Variants in SPAG16 observed in about 807,000 individuals in gnomAD.
The protein encoded by SPAG16 is sperm associated antigen 16.
In SPAG16, 86 loss-of-function variants were observed where a neutral mutation model predicts 80.4. The observed-to-expected ratio is 1.07, with a 90% CI of 0.90 to 1.28. SPAG16 has a LOEUF of 1.28. Ranked by LOEUF, SPAG16 falls within the 50% of genes most tolerant of loss-of-function variation. The pLI, the probability that SPAG16 is intolerant of heterozygous loss-of-function variation, is 0.00. For missense variants in SPAG16, 870 were observed against 765.3 expected, an observed-to-expected ratio of 1.14 and a Z score of -1.61; for synonymous variants, 294 against 265.9, an observed-to-expected ratio of 1.11 and a Z score of -1.03.
intron 14 of SPAG16, among the ~76,000 whole-genome samples, chr2:214,142,581 GCC>G (rs906088185): frequency 9.9e-5 from 15 of 151,970 alleles, no homozygotes; most frequent in African/African-American, 3.6e-4. Context: ...GGTCTCCCAG[GCC>G]CCTAGTTCCA....
chr2:213,787,528 A>T (rs2070418119), intron 10 of SPAG16, among the ~76,000 whole-genome samples: 1 of 152,084 alleles, frequency 6.6e-6, no homozygotes, highest in Non-Finnish European at 1.5e-5. Flanking sequence ...GGAGATAGGA[A>T]GGCTGTAGAT....
chr2:213,888,214 A>G (rs1166011253), intron 11 of SPAG16, among the ~76,000 whole-genome samples: 2 of 151,748 alleles, frequency 1.3e-5, no homozygotes, highest in African/African-American at 2.4e-5. Flanking sequence ...CTGTTTCATA[A>G]TTTCTTTATT....
intron 11 of SPAG16, among the ~76,000 whole-genome samples, chr2:213,922,033 G>A (rs2078247716): frequency 6.6e-6 from 1 of 152,102 alleles, no homozygotes; most frequent in African/African-American, 2.4e-5. Context: ...TATCTCACAG[G>A]AGTTATATGC....
At chr2:213,945,090 A>C (rs527372181) in intron 12 of SPAG16, among the ~76,000 whole-genome samples, 7 of 152,022 alleles carry the variant, frequency 4.6e-5, no homozygotes, top group African/African-American at 1.7e-4. Context: ...GTTCTCTGCC[A>C]TGTGAAAATA....
In SPAG16 at chr2:214,128,487, A is replaced by T. The variant is rs538834360; in HGVS notation, c.1593+20226A>T. Among the ~76,000 whole-genome samples, 10 of 151,908 alleles carry T rather than the reference A, an allele frequency of 6.6e-5. No homozygotes were observed. In the East Asian group the frequency reaches 1.9e-3, roughly 29 times the overall value. ...TCTCCACTGTCCCCTAACCCTTCTT[A>T]TATTTACCCTCAACTTTGGCCAGTT... On this transcript the variant is annotated intron_variant, in intron 14 of 15. Transcript: ENST00000331683.
chr2:213,507,749 A>C (rs2075024352), intron 10 of SPAG16, among the ~76,000 whole-genome samples: 1 of 152,174 alleles, frequency 6.6e-6, no homozygotes, highest in Non-Finnish European at 1.5e-5. Context: ...TGTTGACAGG[A>C]TGATTCGATC....
intron 15 of SPAG16, among the ~76,000 whole-genome samples, chr2:214,291,238 CTA>C (rs898377969): frequency 1.4e-5 from 2 of 142,538 alleles, no homozygotes; most frequent in African/African-American, 5.2e-5. Context: ...CACTTTGAGT[CTA>C]TATATGTCTT....
intron 10 of SPAG16, among the ~76,000 whole-genome samples, chr2:213,731,564 AC>A (rs1377321485): frequency 1.3e-4 from 19 of 151,394 alleles, no homozygotes. Flanking sequence ...GGTTTGCTGC[AC>A]AGATCATCCC....
chr2:213,347,583 G>T (rs914113506), intron 6 of SPAG16, among the ~76,000 whole-genome samples: 6 of 152,116 alleles, frequency 3.9e-5, no homozygotes, highest in Admixed American at 3.3e-4. Flanking sequence ...CTGGTATGTT[G>T]TATCTTTGTT....
chr2:213,292,683 AACAAAAAAAAAC>A (rs1362539931), intron 1 of SPAG16, among the ~76,000 whole-genome samples: 1 of 90,618 alleles, frequency 1.1e-5, no homozygotes, highest in African/African-American at 3.4e-5. Context: ...AAACAAAAAA[AACAAAAAAAAAC>A]AAAACTATCA....
chr2:213,994,085 G>A (rs890181145), intron 12 of SPAG16, among the ~76,000 whole-genome samples: 1 of 152,096 alleles, frequency 6.6e-6, no homozygotes, highest in African/African-American at 2.4e-5. Flanking sequence ...AGTGTGATAC[G>A]ATGTTATAAA....
intron 11 of SPAG16, among the ~76,000 whole-genome samples, chr2:213,866,749 A>G (rs1169146871): frequency 6.6e-6 from 1 of 152,190 alleles, no homozygotes; most frequent in Non-Finnish European, 1.5e-5. Flanking sequence ...AACAGGAGCA[A>G]GGGTCCAAGC....
intron 9 of SPAG16, among the ~76,000 whole-genome samples, chr2:213,402,198 T>C (rs1468404338): frequency 2.6e-5 from 4 of 152,104 alleles, no homozygotes; most frequent in Non-Finnish European, 5.9e-5. Flanking sequence ...TGTATTATGT[T>C]TCCTGTATTT....
intron 12 of SPAG16, among the ~76,000 whole-genome samples, chr2:213,994,052 A>T (rs529639562): frequency 6.6e-6 from 1 of 152,334 alleles, no homozygotes; most frequent in Non-Finnish European, 1.5e-5. Flanking sequence ...TACAAAAACC[A>T]TGGGTAGAAT....
At chr2:214,343,675 T>A (rs1697865499) in intron 15 of SPAG16, among the ~76,000 whole-genome samples, 1 of 152,122 alleles carries the variant, frequency 6.6e-6, no homozygotes, top group Non-Finnish European at 1.5e-5. Context: ...GGAAATAGAT[T>A]TAAAAATTAA....
chr2:213,739,715 C>T (rs1353080443), intron 10 of SPAG16, among the ~76,000 whole-genome samples: 1 of 152,174 alleles, frequency 6.6e-6, no homozygotes, highest in Non-Finnish European at 1.5e-5. Context: ...GATTCTCCTG[C>T]CTCAGCCTCC....
intron 9 of SPAG16, among the ~76,000 whole-genome samples, chr2:213,393,966 T>C (rs1324791947): frequency 6.6e-6 from 1 of 152,164 alleles, no homozygotes; most frequent in Non-Finnish European, 1.5e-5. Context: ...AATGTATAAT[T>C]GACATTAATT....
intron 10 of SPAG16, among the ~76,000 whole-genome samples, chr2:213,697,426 T>C (rs764603128): frequency 4.6e-5 from 7 of 152,186 alleles, no homozygotes; most frequent in Non-Finnish European, 7.4e-5. Flanking sequence ...GGCTGAATAA[T>C]GGTCCCCAAA....
intron 13 of SPAG16, among the ~76,000 whole-genome samples, chr2:214,045,714 C>G (rs900186497): frequency 2.0e-5 from 3 of 152,018 alleles, no homozygotes; most frequent in Non-Finnish European, 4.4e-5. Context: ...CAAAGCAGTA[C>G]TAAGAGGCAA....
Sources: allele counts gnomAD v4.1 joint callset (sites outside exome capture counted in the v4.1 genomes callset), GRCh38; gene constraint gnomAD v4.1.1; transcripts MANE v1.5; gene names NCBI Gene and HGNC (gene_info 2026-07-23, HGNC 2026-07-21).